The following OXR1 variants were observed in gnomAD, a reference collection of about 807,000 sequenced individuals.
OXR1 encodes the protein oxidation resistance protein 1.
OXR1 carries 41 observed loss-of-function variants against 104.6 expected under a neutral mutation model. That is an observed-to-expected ratio of 0.39 (90% CI 0.31 to 0.51). OXR1 has a LOEUF of 0.51. Ranked by LOEUF, OXR1 falls within the 20% of genes least tolerant of loss-of-function variation. The pLI is 0.77. For missense variants in OXR1, 955 were observed against 1,031.9 expected (o/e 0.93, Z 1.02); for synonymous variants, 348 against 348.4 (o/e 1.00, Z 0.01).
At chr8:106,727,384 T>TTA (rs1833447422) in intron 11 of OXR1, among the ~76,000 whole-genome samples, 2 of 152,186 alleles carry the variant, frequency 1.3e-5, no homozygotes, top group African/African-American at 4.8e-5. Context: ...CTTACATTTA[T>TTA]TACAGTCACC....
intron 3 of OXR1, chr8:106,581,223 A>G: frequency 7.8e-7 from 1 of 1,288,306 alleles, no homozygotes; most frequent in South Asian, 1.2e-5. Context: ...ATTCCAAGGA[A>G]ATATGCCCAA....
At chr8:106,555,209 T>A (rs1400558658) in intron 3 of OXR1, among the ~76,000 whole-genome samples, 1 of 152,158 alleles carries the variant, frequency 6.6e-6, no homozygotes, top group Non-Finnish European at 1.5e-5. Context: ...GTTTTATATT[T>A]TTTAAAAGCT....
chr8:106,724,973 C>T (rs28924670), intron 11 of OXR1, among the ~76,000 whole-genome samples: 3 of 152,118 alleles, frequency 2.0e-5, no homozygotes, highest in African/African-American at 7.2e-5. Flanking sequence ...GCTTCCACCA[C>T]CACCACCACC....
intron 8 of OXR1, 90 bp from the exon 9 acceptor site, chr8:106,706,292 T>C (rs1351637398): frequency 2.3e-6 from 2 of 851,532 alleles, no homozygotes; most frequent in East Asian, 5.9e-5. Flanking sequence ...AAAAAGTCTT[T>C]TTAGTGATAC....
At chr8:106,339,509 AAAAAAAAAAAATATATAT>A (rs1365198818) in intron 1 of OXR1, among the ~76,000 whole-genome samples, 2,700 of 50,784 alleles carry the variant, frequency 0.053, 107 homozygotes, top group Non-Finnish European at 0.06. Context: ...AAAAAAAAAA[AAAAAAAAAAAATATATAT>A]ATATATATAT....
At chr8:106,487,888 T>C (rs1810796522) in intron 2 of OXR1, among the ~76,000 whole-genome samples, 1 of 151,924 alleles carries the variant, frequency 6.6e-6, no homozygotes, top group Admixed American at 6.6e-5. Context: ...AACATACGTA[T>C]GCATGTGTCT....
chr8:106,709,308 CT>C (rs1831465221), intron 9 of OXR1, among the ~76,000 whole-genome samples: 1 of 152,044 alleles, frequency 6.6e-6, no homozygotes, highest in South Asian at 2.1e-4. Flanking sequence ...GATTACAGTT[CT>C]TTGAAAACAT....
intron 3 of OXR1, among the ~76,000 whole-genome samples, chr8:106,645,444 T>C (rs1351708203): frequency 6.6e-6 from 1 of 152,156 alleles, no homozygotes; most frequent in African/African-American, 2.4e-5. Context: ...ATGATCCAAC[T>C]TTCCTTCAAG....
At chr8:106,311,769 C>T (rs1813711749) in intron 1 of OXR1, among the ~76,000 whole-genome samples, 1 of 152,168 alleles carries the variant, frequency 6.6e-6, no homozygotes, top group African/African-American at 2.4e-5. Flanking sequence ...TGATTTCTGT[C>T]AAGTGAATTT....
At chr8:106,610,483 T>C (rs1240041720) in intron 3 of OXR1, among the ~76,000 whole-genome samples, 1 of 152,184 alleles carries the variant, frequency 6.6e-6, no homozygotes, top group East Asian at 1.9e-4. Flanking sequence ...CTCAATACAA[T>C]TACAATGCAT....
chr8:106,599,799 G>A (rs1347053287), intron 3 of OXR1, among the ~76,000 whole-genome samples: 2 of 152,200 alleles, frequency 1.3e-5, no homozygotes, highest in Non-Finnish European at 2.9e-5. Context: ...TTCGGTATCA[G>A]GGACCAGAGA....
At chr8:106,517,145 T>A (rs1436514379) in intron 2 of OXR1, among the ~76,000 whole-genome samples, 1 of 152,140 alleles carries the variant, frequency 6.6e-6, no homozygotes, top group Non-Finnish European at 1.5e-5. Context: ...AGTGCCCAGA[T>A]CAGGAAACAA....
chr8:106,661,823 A>T (rs563723259), intron 3 of OXR1, among the ~76,000 whole-genome samples: 1 of 152,350 alleles, frequency 6.6e-6, no homozygotes, highest in East Asian at 1.9e-4. Flanking sequence ...TTTCAGTCTC[A>T]TATTCAATTT....
rs1436691497 is a variant in OXR1, at chr8:106,739,460, T to C, written c.2040T>C (p.Ile680=). 1 of 1,611,982 alleles carries C rather than the reference T, an allele frequency of 6.2e-7. No homozygotes were observed. Among genetic ancestry groups the C allele is most frequent in the South Asian group, 1.1e-5 (1 of 90,972 alleles). The stretch of plus-strand genomic sequence containing the variant: ...ACTACCTCTATTTACTGTTTTAGAT[T>C]ACTACAAGGGAAGACATAAATTCAA... The part of the protein sequence containing the change: ...ELRTLCRRLQ[I]TTREDINSKQ... Residue 680 remains isoleucine (I), a splice_region_variant and synonymous_variant, in exon 13 of 17, where the codon ATT becomes ATC. Coordinates refer to ENST00000517566, the MANE Select transcript of OXR1 (RefSeq NM_001198533.2).
intron 3 of OXR1, among the ~76,000 whole-genome samples, chr8:106,665,215 G>T (rs567084465): frequency 6.6e-6 from 1 of 151,712 alleles, no homozygotes; most frequent in Non-Finnish European, 1.5e-5. Context: ...ACACACACAC[G>T]CACACAAACA....
chr8:106,447,885 C>G (rs1023035481), intron 2 of OXR1: 37 of 1,495,002 alleles, frequency 2.5e-5, no homozygotes, highest in African/African-American at 2.0e-4. Flanking sequence ...GCCCCACCCC[C>G]CAACAGCCGG....
chr8:106,635,099 A>G (rs1028277559), intron 3 of OXR1, among the ~76,000 whole-genome samples: 5 of 152,214 alleles, frequency 3.3e-5, no homozygotes, highest in African/African-American at 7.2e-5. Flanking sequence ...TATTTTTGCC[A>G]AGAGAGGAGA....
At chr8:106,372,624 C>T (rs73305139) in intron 2 of OXR1, among the ~76,000 whole-genome samples, 9,611 of 152,128 alleles carry the variant, frequency 0.063, 613 homozygotes, top group African/African-American at 0.16. Flanking sequence ...GAGTCAAAAC[C>T]ATTTCATGCA....
chr8:106,604,304 G>A (rs1201182083), intron 3 of OXR1, among the ~76,000 whole-genome samples: 1 of 152,120 alleles, frequency 6.6e-6, no homozygotes, highest in African/African-American at 2.4e-5. Context: ...GATAAGCCAC[G>A]ATGCTTGAAG....
Sources: allele counts gnomAD v4.1 joint callset (sites outside exome capture counted in the v4.1 genomes callset), GRCh38; gene constraint gnomAD v4.1.1; transcripts MANE v1.5; gene names NCBI Gene and HGNC (gene_info 2026-07-23, HGNC 2026-07-21).